The following FAF1 variants were observed in gnomAD, a reference collection of about 807,000 sequenced individuals.
FAF1 encodes FAS-associated factor 1.
In FAF1, 25 loss-of-function variants were observed where a neutral mutation model predicts 92.5. The observed-to-expected ratio is 0.27, with a 90% CI of 0.20 to 0.38. The LOEUF is 0.38. Ranked by LOEUF, FAF1 falls within the 10% of genes least tolerant of loss-of-function variation. FAF1 has a pLI of 1.00. For missense variants in FAF1, 636 were observed against 793.3 expected (o/e 0.80, Z 2.38); for synonymous variants, 234 against 273.2 (o/e 0.86, Z 1.42).
intron 7 of FAF1, among the ~76,000 whole-genome samples, chr1:50,669,668 C>T (rs549474416): frequency 6.6e-6 from 1 of 152,256 alleles, no homozygotes; most frequent in African/African-American, 2.4e-5. Context: ...GACAATGTAG[C>T]AAAATAAAGG....
intron 13 of FAF1, among the ~76,000 whole-genome samples, chr1:50,560,463 CAAAATTT>C (rs1364981113): frequency 2.6e-5 from 4 of 152,238 alleles, no homozygotes; most frequent in African/African-American, 9.6e-5. Context: ...AATGTGTGTA[CAAAATTT>C]AATACAATGC....
intron 1 of FAF1, among the ~76,000 whole-genome samples, chr1:50,952,782 C>G (rs538511838): frequency 6.6e-6 from 1 of 151,690 alleles, no homozygotes; most frequent in Non-Finnish European, 1.5e-5. Context: ...AGGTGAGGAG[C>G]ATCTCTGCCC....
At chr1:50,466,816 A>C (rs1646502488) in intron 18 of FAF1, among the ~76,000 whole-genome samples, 1 of 152,052 alleles carries the variant, frequency 6.6e-6, no homozygotes, top group African/African-American at 2.4e-5. Flanking sequence ...AAGCCCCCTC[A>C]TTTCAGCCAG....
chr1:50,837,747 C>CTT (rs112915276), intron 2 of FAF1, among the ~76,000 whole-genome samples: 118 of 141,540 alleles, frequency 8.3e-4, no homozygotes, highest in East Asian at 2.4e-3. Flanking sequence ...GGGGAAGCTC[C>CTT]TTTTTTTTTT....
chr1:50,869,193 C>G (rs1016586292), intron 1 of FAF1, among the ~76,000 whole-genome samples: 1 of 152,118 alleles, frequency 6.6e-6, no homozygotes, highest in Non-Finnish European at 1.5e-5. Context: ...TGTCATCTAG[C>G]TTTTCAATAA....
chr1:50,907,384 G>A (rs186237697), intron 1 of FAF1, among the ~76,000 whole-genome samples: 34 of 152,268 alleles, frequency 2.2e-4, no homozygotes, highest in African/African-American at 6.3e-4. Context: ...TCAGGATGAC[G>A]CTGGCCTCAT....
At chr1:50,546,515 G>A (rs1411866926) in intron 13 of FAF1, among the ~76,000 whole-genome samples, 3 of 151,970 alleles carry the variant, frequency 2.0e-5, no homozygotes, top group African/African-American at 7.3e-5. Flanking sequence ...ACAGGCACGC[G>A]CCACCACACC....
chr1:50,840,548 G>T (rs1644247348), intron 2 of FAF1, among the ~76,000 whole-genome samples: 1 of 151,850 alleles, frequency 6.6e-6, no homozygotes, highest in South Asian at 2.1e-4. Context: ...ACTGCTAAAG[G>T]TATTAAATAC....
chr1:50,444,007 G>A lies in FAF1; in HGVS notation c.1870-2484C>T, dbSNP rs1646199657. ...ATTGGATTGCTTCAAAGCAAACACG[G>A]CTGTGCTGGCTGCTCCCTCTGGTGC... On this transcript the variant is annotated intron_variant, in intron 18 of 18. Coordinates refer to ENST00000396153, the MANE Select transcript of FAF1 (RefSeq NM_007051.3). Among the ~76,000 whole-genome samples the A allele has an allele frequency of 2.0e-5, 3 of 152,186 alleles. No homozygotes were observed. In the South Asian group the frequency reaches 6.2e-4, roughly 31 times the overall value.
chr1:50,787,462 A>C (rs1460811740), intron 4 of FAF1, among the ~76,000 whole-genome samples: 2 of 152,216 alleles, frequency 1.3e-5, no homozygotes. Flanking sequence ...GTGAGGACAC[A>C]ATGTTCCCCA....
intron 1 of FAF1, 100 bp from the exon 2 acceptor site, chr1:50,858,097 A>T: frequency 1.3e-6 from 1 of 765,516 alleles, no homozygotes; most frequent in Non-Finnish European, 2.1e-6. Flanking sequence ...TTTAAATTCA[A>T]ATAGGTATAT....
chr1:50,575,237 T>C (rs1166464287), intron 12 of FAF1, among the ~76,000 whole-genome samples: 1 of 152,158 alleles, frequency 6.6e-6, no homozygotes, highest in Admixed American at 6.5e-5. Flanking sequence ...AACTAGTAAG[T>C]TTTGAACTAA....
At chr1:50,789,873 T>C (rs1661501546) in intron 3 of FAF1, among the ~76,000 whole-genome samples, 1 of 152,204 alleles carries the variant, frequency 6.6e-6, no homozygotes, top group Admixed American at 6.5e-5. Flanking sequence ...GCATGGTCTT[T>C]CATTTCTTCT....
chr1:50,656,272 C>T (rs557048911), intron 7 of FAF1, among the ~76,000 whole-genome samples: 4 of 149,918 alleles, frequency 2.7e-5, no homozygotes, highest in African/African-American at 4.9e-5. Flanking sequence ...GCGGAGGTGG[C>T]GGTGAGCTGA....
At chr1:50,807,936 G>A (rs1044034751) in intron 2 of FAF1, among the ~76,000 whole-genome samples, 4 of 152,032 alleles carry the variant, frequency 2.6e-5, no homozygotes, top group African/African-American at 9.7e-5. Context: ...TATAAAAGAC[G>A]ACCTTGCCCA....
intron 2 of FAF1, among the ~76,000 whole-genome samples, chr1:50,816,762 G>A (rs1346976648): frequency 6.6e-6 from 1 of 152,136 alleles, no homozygotes; most frequent in Non-Finnish European, 1.5e-5. Flanking sequence ...TGCCAAGACC[G>A]ATGTTTAGAA....
intron 3 of FAF1, among the ~76,000 whole-genome samples, chr1:50,798,665 CTTGCT>C (rs1488098402): frequency 6.6e-6 from 1 of 152,156 alleles, no homozygotes; most frequent in Admixed American, 6.5e-5. Context: ...AGTCAGAAGA[CTTGCT>C]TATATTCCTG....
intron 2 of FAF1, among the ~76,000 whole-genome samples, chr1:50,802,070 A>T (rs1215989164): frequency 6.6e-6 from 1 of 151,962 alleles, no homozygotes; most frequent in Admixed American, 6.6e-5. Flanking sequence ...AAATGAATGT[A>T]TTATTTCATG....
chr1:50,455,999 TG>T (rs1156416198), intron 18 of FAF1, among the ~76,000 whole-genome samples: 1 of 151,938 alleles, frequency 6.6e-6, no homozygotes, highest in African/African-American at 2.4e-5. Context: ...CGCTTGAGCC[TG>T]GGAGGCGGAG....
Sources: gnomAD v4.1 joint callset for allele counts (sites outside exome capture counted in the v4.1 genomes callset) on GRCh38, gnomAD v4.1.1 for gene constraint, MANE v1.5 for transcripts, NCBI Gene and HGNC (gene_info 2026-07-23, HGNC 2026-07-21) for gene names.